CHAC2: variants seen among roughly 807,000 people sequenced by gnomAD.
CHAC2 encodes the protein glutathione-specific gamma-glutamylcyclotransferase 2.
Under a neutral mutation model 16.9 loss-of-function variants are expected in CHAC2, and 20 were observed. The observed-to-expected ratio is 1.18, with a 90% CI of 0.83 to 1.72. The LOEUF is 1.72. CHAC2 is among the 40% of genes most tolerant of loss of function. The pLI is 0.00. For missense variants in CHAC2, 269 were observed against 222.2 expected (o/e 1.21, Z -1.34); for synonymous variants, 91 against 77.3 (o/e 1.18, Z -0.93).
chr2:53,770,272 A>G (rs1000797367), intron 1 of CHAC2, among the ~76,000 whole-genome samples: 4 of 152,164 alleles, frequency 2.6e-5, no homozygotes, highest in African/African-American at 9.7e-5. Flanking sequence ...TCATAATCCA[A>G]AATCCCATGT....
chr2:53,770,059 C>T (rs1673786549), intron 1 of CHAC2, among the ~76,000 whole-genome samples: 1 of 152,192 alleles, frequency 6.6e-6, no homozygotes, highest in South Asian at 2.1e-4. Flanking sequence ...TTCTAATTCA[C>T]TTTGAAATTG....
Position 53,774,333 on chromosome 2 carries a change from T to TG in CHAC2, c.364dup (p.Ala122GlyfsTer8), listed in dbSNP as rs1674176998. 6.2e-7 allele frequency: 1 copy of TG among 1,613,524 alleles called. No individual in the cohort carries two copies. The highest frequency in any genetic ancestry group is 1.3e-5 in the African/African-American group (1 of 74,932). ...GTGATAATCCTGATTATCTTGGTCCTGCACCTCTGGAAGACATTGCTGAAC... is the reference window on the plus strand; with the variant it reads ...GTGATAATCCTGATTATCTTGGTCCTGGCACCTCTGGAAGACATTGCTGAAC... On this transcript the variant is annotated frameshift_variant, in exon 3 of 3. Coordinates refer to ENST00000295304, the MANE Select transcript of CHAC2 (RefSeq NM_001008708.4). LOFTEE classifies it high-confidence loss of function.
intron 2 of CHAC2, among the ~76,000 whole-genome samples, chr2:53,772,232 T>A (rs565042461): frequency 3.3e-5 from 5 of 152,174 alleles, no homozygotes; most frequent in African/African-American, 1.2e-4. Context: ...TGGAGTGCAG[T>A]GGCGCGATCT....
Position 53,774,695 on chromosome 2 carries a change from T to C in CHAC2, c.*170T>C, listed in dbSNP as rs1305720606. 1.9e-6 allele frequency: 1 copy of C among 523,418 alleles called. No individual in the cohort carries two copies. The highest frequency in any genetic ancestry group is 3.2e-6 in the Non-Finnish European group (1 of 316,240). 32.4% of individuals were successfully genotyped at this position (523,418 alleles called of 1,614,324 possible). A position where few individuals can be genotyped will look rare whatever the true frequency, so the allele number is the denominator to read the frequency against. ...TATTGGGATACAGTGAAAGAAAAAT[T>C]CAAATTTTAATAACATAAAGATTTC... is the stretch of plus-strand genomic sequence containing the variant. On this transcript the variant is annotated 3_prime_UTR_variant, in exon 3 of 3. Coordinates refer to ENST00000295304, the MANE Select transcript of CHAC2 (RefSeq NM_001008708.4).
chr2:53,768,901 T>A (rs1458616500), intron 1 of CHAC2, among the ~76,000 whole-genome samples: 1 of 152,148 alleles, frequency 6.6e-6, no homozygotes, highest in Non-Finnish European at 1.5e-5. Flanking sequence ...AATTGGTCAA[T>A]GGAAAGTGGA....
Position 53,771,894 on chromosome 2 carries a change from CT to C in CHAC2, c.136-8del, listed in dbSNP as rs768687508. The C allele has an allele frequency of 6.5e-7, 1 of 1,538,156 alleles. No individual in the cohort carries two copies. The highest frequency in any genetic ancestry group is 1.2e-5 in the South Asian group (1 of 80,256). On this transcript the variant is annotated splice_polypyrimidine_tract_variant and intron_variant, in intron 1 of 2. Transcript: ENST00000295304. ...TTAATTCAGAAAAATTTTTTTTTAC[CT>C]TTTTAAAACAGCCTGGAAGAGTTGT...
chr2:53,773,662 C>G (rs1434290623), intron 2 of CHAC2, among the ~76,000 whole-genome samples: 1 of 151,864 alleles, frequency 6.6e-6, no homozygotes, highest in African/African-American at 2.4e-5. Flanking sequence ...CACTCCTGAC[C>G]TCGTGATCCA....
chr2:53,769,043 T>A (rs1187013699), intron 1 of CHAC2, among the ~76,000 whole-genome samples: 7 of 152,230 alleles, frequency 4.6e-5, no homozygotes, highest in African/African-American at 1.7e-4. Flanking sequence ...GGCTTTTAAG[T>A]AGACTATACT....
At chr2:53,774,023 G>C (rs965789735) in intron 2 of CHAC2, 119 bp from the exon 3 acceptor site, 2 of 1,139,664 alleles carry the variant, frequency 1.8e-6, no homozygotes, top group Admixed American at 5.4e-5. Flanking sequence ...CAACAGACAA[G>C]ACTTCATCTC....
chr2:53,770,901 C>T (rs547616436), intron 1 of CHAC2, among the ~76,000 whole-genome samples: 3 of 152,300 alleles, frequency 2.0e-5, no homozygotes, highest in Admixed American at 2.0e-4. Context: ...CTTGAAGCAC[C>T]ATTACCATAT....
rs193151881 is a variant in CHAC2, at chr2:53,769,946, T to C, written c.135+1925T>C. On this transcript the variant is annotated intron_variant, in intron 1 of 2. Transcript: ENST00000295304. ...TTAGCCCATATCTTAGCTCTATTTATTTCACATGTTAGTTTGCATTCTAGA... is the reference window on the plus strand; with the variant it reads ...TTAGCCCATATCTTAGCTCTATTTACTTCACATGTTAGTTTGCATTCTAGA... Among the ~76,000 whole-genome samples, 522 of 152,372 alleles carry C rather than the reference T, an allele frequency of 3.4e-3. 3 individuals are homozygous for C. Among genetic ancestry groups the C allele is most frequent in the Non-Finnish European group, 5.0e-3 (339 of 68,036 alleles).
In CHAC2 at chr2:53,771,903, A is replaced by T; in HGVS notation, c.136-4A>T. On this transcript the variant is annotated splice_polypyrimidine_tract_variant and splice_region_variant and intron_variant, in intron 1 of 2. Coordinates refer to ENST00000295304, the MANE Select transcript of CHAC2 (RefSeq NM_001008708.4). ...AAAAATTTTTTTTTACCTTTTTAAA[A>T]CAGCCTGGAAGAGTTGTGACTCTTG... 1.7e-5 allele frequency: 26 copies of T among 1,560,906 alleles called. No individual in the cohort carries two copies. Among genetic ancestry groups the T allele is most frequent in the Non-Finnish European group, 2.2e-5 (25 of 1,148,714 alleles).
Position 53,770,328 on chromosome 2 carries a change from G to C in CHAC2, c.136-1579G>C, listed in dbSNP as rs192227025. ...CTATACGAACAGATGAAGACTAAAAGGAAATAGCAACAAAGATGACACAAA... is the reference window on the plus strand; with the variant it reads ...CTATACGAACAGATGAAGACTAAAACGAAATAGCAACAAAGATGACACAAA... On this transcript the variant is annotated intron_variant, in intron 1 of 2. Coordinates refer to ENST00000295304, the MANE Select transcript of CHAC2 (RefSeq NM_001008708.4). Among the ~76,000 whole-genome samples the C allele has an allele frequency of 3.3e-5, 5 of 152,116 alleles. No individual in the cohort carries two copies. In the East Asian group the frequency reaches 9.7e-4, roughly 29 times the overall value.
At chr2:53,772,235 C>T (rs1014184795) in intron 2 of CHAC2, among the ~76,000 whole-genome samples, 1 of 152,046 alleles carries the variant, frequency 6.6e-6, no homozygotes, top group East Asian at 1.9e-4. Context: ...AGTGCAGTGG[C>T]GCGATCTCGG....
chr2:53,774,510 C>T lies in CHAC2; in HGVS notation c.540C>T (p.Asn180=). The change falls in exon 3 of 3, where the codon AAC becomes AAT. Residue 180 remains asparagine (N), a synonymous_variant. Coordinates refer to ENST00000295304, the MANE Select transcript of CHAC2 (RefSeq NM_001008708.4). ...LVKERLEGKQ[N]LNCI is the part of the protein sequence containing the mutation. ...AGGAACGTTTAGAAGGGAAACAGAA[C>T]CTCAATTGCATATAATTTAGTCTTC... 1 of 1,544,726 alleles carries T rather than the reference C, an allele frequency of 6.5e-7. No individual in the cohort carries two copies.
chr2:53,767,814 C>A lies in CHAC2; in HGVS notation c.-73C>A. 1 of 1,531,470 alleles carries A rather than the reference C, an allele frequency of 6.5e-7. No homozygotes were observed. The highest frequency in any genetic ancestry group is 8.8e-7 in the Non-Finnish European group (1 of 1,132,704). 94.9% of individuals were successfully genotyped at this position (1,531,470 alleles called of 1,614,324 possible). On this transcript the variant is annotated 5_prime_UTR_variant, in exon 1 of 3. Coordinates refer to ENST00000295304, the MANE Select transcript of CHAC2 (RefSeq NM_001008708.4). The stretch of plus-strand genomic sequence containing the variant: ...CCCGCGCGGCCGGTTACTCGCTTAC[C>A]GGAGGCTTCAGTCCCCGGCGGCGCG...
In CHAC2 at chr2:53,767,858, G is replaced by A; in HGVS notation, c.-29G>A. 1 of 1,587,754 alleles carries A rather than the reference G, an allele frequency of 6.3e-7. No homozygotes were observed. The highest frequency in any genetic ancestry group is 8.6e-7 in the Non-Finnish European group (1 of 1,166,850). On this transcript the variant is annotated 5_prime_UTR_variant, in exon 1 of 3. Transcript: ENST00000295304. ...CGGCGCGGCGACAGCTAGGGTTCAC[G>A]GCCACTGGGGCAGAGGAGCCGCGAG... is the stretch of plus-strand genomic sequence containing the variant.
rs925349671 is a variant in CHAC2 at position 53,768,124 on chromosome 2, T to C, written c.135+103T>C. The stretch of plus-strand genomic sequence containing the variant: ...TAGAGAACCACACCTTAGCGCTTCA[T>C]GGGGCCAAAGCACATGGCTTGGGGT... On this transcript the variant is annotated intron_variant, in intron 1 of 2. Coordinates refer to ENST00000295304, the MANE Select transcript of CHAC2 (RefSeq NM_001008708.4). The C allele has an allele frequency of 4.4e-6, 6 of 1,350,900 alleles. No individual in the cohort carries two copies. The South Asian group carries it at 6.5e-5, about 15-fold the overall frequency. The allele number at this position is 1,350,900 out of a possible 1,614,324, so 83.7% of individuals were successfully genotyped here. A position where few individuals can be genotyped will look rare whatever the true frequency, so the allele number is the denominator to read the frequency against.
intron 1 of CHAC2, among the ~76,000 whole-genome samples, chr2:53,771,620 C>A (rs533577316): frequency 1.3e-5 from 2 of 152,194 alleles, no homozygotes; most frequent in African/African-American, 4.8e-5. Context: ...TTTTAGATGA[C>A]CTTTAGTTAC....
Sources: allele counts gnomAD v4.1 joint callset (sites outside exome capture counted in the v4.1 genomes callset), GRCh38; gene constraint gnomAD v4.1.1; transcripts MANE v1.5; gene names NCBI Gene and HGNC (gene_info 2026-07-23, HGNC 2026-07-21).